Variants in CHLSN observed in about 807,000 individuals in gnomAD.
The protein encoded by CHLSN is protein cholesin.
the CHLSN span, among the ~76,000 whole-genome samples, chr7:1,016,899 GCAGCACACGC>G: frequency 2.2e-4 from 25 of 113,334 alleles, 2 homozygotes; most frequent in African/African-American, 8.4e-4. Flanking sequence ...CCAGCGCACA[GCAGCACACGC>G]CAGCGCACAG....
the CHLSN span, among the ~76,000 whole-genome samples, chr7:1,063,523 A>G: frequency 6.6e-6 from 1 of 152,188 alleles, no homozygotes; most frequent in Non-Finnish European, 1.5e-5. Flanking sequence ...TTCCAACTTC[A>G]GGCGTTCGTG....
chr7:1,091,724 G>A, the CHLSN span: 3 of 1,520,744 alleles, frequency 2.0e-6, no homozygotes, highest in Non-Finnish European at 1.8e-6. Flanking sequence ...GCACGGTGCA[G>A]AGACATGGAT....
At chr7:997,656 C>G in the CHLSN span, 1 of 1,609,314 alleles carries the variant, frequency 6.2e-7, no homozygotes, top group Non-Finnish European at 8.5e-7. Flanking sequence ...CTGTCGGATG[C>G]GCTGGGCCCT....
chr7:1,123,106 G>C, the CHLSN span, among the ~76,000 whole-genome samples: 1 of 152,190 alleles, frequency 6.6e-6, no homozygotes, highest in Non-Finnish European at 1.5e-5. This position sits in a 1 kb window ranked among gnomAD's most constrained non-coding sequence, Gnocchi z 4.4. Flanking sequence ...GCCCAGGACC[G>C]AGGAACGGCC....
chr7:1,092,837 G>A, the CHLSN span: 3 of 1,612,902 alleles, frequency 1.9e-6, no homozygotes, highest in Non-Finnish European at 2.5e-6. Flanking sequence ...TCGGATGTGA[G>A]GTTCAGCAGT....
At chr7:1,135,797 A>AATTT in the CHLSN span, among the ~76,000 whole-genome samples, 13,534 of 136,192 alleles carry the variant, frequency 0.099, 1,288 homozygotes, top group African/African-American at 0.24. Context: ...ATATATACAC[A>AATTT]ATTTATTTAT....
the CHLSN span, among the ~76,000 whole-genome samples, chr7:1,104,093 A>C: frequency 2.0e-5 from 3 of 152,170 alleles, no homozygotes; most frequent in African/African-American, 7.2e-5. Context: ...TCTGGTTACC[A>C]TCTCACACTG....
chr7:1,021,078 C>T, the CHLSN span, among the ~76,000 whole-genome samples: 3 of 146,282 alleles, frequency 2.1e-5, no homozygotes, highest in Non-Finnish European at 1.5e-5. Flanking sequence ...TTCAGGCAGG[C>T]ACCTCCAGGC....
chr7:989,843 AGT>A, the CHLSN span, among the ~76,000 whole-genome samples: 1 of 148,224 alleles, frequency 6.7e-6, no homozygotes, highest in South Asian at 2.2e-4. Flanking sequence ...TGTGGTCGGC[AGT>A]GTGACAGTGG....
the CHLSN span, among the ~76,000 whole-genome samples, chr7:1,135,890 AATATATAAGTATATATAAAAAT>A: frequency 1.9e-5 from 2 of 103,202 alleles, no homozygotes; most frequent in Non-Finnish European, 3.7e-5. Flanking sequence ...TGAATATATA[AATATATAAGTATATATAAAAAT>A]ATATATAAGT....
At chr7:985,625 G>A in the CHLSN span, among the ~76,000 whole-genome samples, 3 of 152,028 alleles carry the variant, frequency 2.0e-5, no homozygotes, top group Admixed American at 6.5e-5. Flanking sequence ...CCAGAATTGC[G>A]GGGGGCTCCA....
At chr7:1,052,073 G>C in the CHLSN span, among the ~76,000 whole-genome samples, 1 of 152,234 alleles carries the variant, frequency 6.6e-6, no homozygotes, top group Non-Finnish European at 1.5e-5. This position sits in a 1 kb window ranked among gnomAD's most constrained non-coding sequence, Gnocchi z 4.2. Context: ...TTGAAACTGG[G>C]CCATCTTGGA....
At chr7:1,028,823 A>G in the CHLSN span, 1 of 402,878 alleles carries the variant, frequency 2.5e-6, no homozygotes, top group Non-Finnish European at 2.9e-6. Context: ...CATGGCCCCC[A>G]TCTCCTCCAG....
At chr7:1,018,056 C>T in the CHLSN span, among the ~76,000 whole-genome samples, 1 of 152,220 alleles carries the variant, frequency 6.6e-6, no homozygotes, top group African/African-American at 2.4e-5. Context: ...TTCCCACACC[C>T]TAGGCAGAAA....
chr7:1,028,187 C>A, the CHLSN span: 1 of 962,504 alleles, frequency 1.0e-6, no homozygotes, highest in Non-Finnish European at 1.2e-6. Context: ...CGCCGCGGGG[C>A]GGGGCTGGGG....
the CHLSN span, among the ~76,000 whole-genome samples, chr7:1,094,986 T>C: frequency 6.6e-6 from 1 of 152,008 alleles, no homozygotes; most frequent in East Asian, 1.9e-4. Context: ...CACTAACAGG[T>C]CTCGTGGAAG....
the CHLSN span, chr7:1,081,921 GT>G: frequency 6.6e-6 from 1 of 152,326 alleles, no homozygotes; most frequent in African/African-American, 2.4e-5. Flanking sequence ...GTGTGTGCCT[GT>G]CCCCCCACCC....
chr7:1,017,853 CA>C, the CHLSN span, among the ~76,000 whole-genome samples: 1 of 152,212 alleles, frequency 6.6e-6, no homozygotes, highest in African/African-American at 2.4e-5. Flanking sequence ...ATCCAGGGCT[CA>C]AAACCACACC....
chr7:1,021,311 T>C, the CHLSN span: 5 of 929,014 alleles, frequency 5.4e-6, no homozygotes, highest in South Asian at 2.0e-4. Flanking sequence ...ATGGGGCAGG[T>C]TTCTTTCTTC....
Sources: gnomAD v4.1 joint callset for allele counts (sites outside exome capture counted in the v4.1 genomes callset) on GRCh38, gnomAD v4.1.1 for gene constraint, Gnocchi (gnomAD v3.1) non-coding constraint, MANE v1.5 for transcripts, NCBI Gene and HGNC (gene_info 2026-07-23, HGNC 2026-07-21) for gene names.